Variants in OTUD7B observed in about 807,000 individuals in gnomAD.
The protein encoded by OTUD7B is OTU deubiquitinase 7B, also known as OTU domain-containing protein 7B.
Under a neutral mutation model 82.2 loss-of-function variants are expected in OTUD7B, and 34 were observed. The ratio of observed to expected loss-of-function variants is 0.41; its 90% CI spans 0.31 to 0.55. The LOEUF is 0.55. Among genes scored for constraint, OTUD7B ranks in the 20% least tolerant of loss-of-function variants. The pLI is 0.20. For missense variants in OTUD7B, 944 were observed against 1,062.1 expected (o/e 0.89, Z 1.55); for synonymous variants, 398 against 402.7 (o/e 0.99, Z 0.14).
At chr1:150,001,931 C>G (rs1652317222) in intron 1 of OTUD7B, among the ~76,000 whole-genome samples, 1 of 152,236 alleles carries the variant, frequency 6.6e-6, no homozygotes, top group African/African-American at 2.4e-5. Context: ...AGGATGCCCT[C>G]TACCCTGTTC....
chr1:150,003,249 C>A (rs1341339426), intron 1 of OTUD7B, among the ~76,000 whole-genome samples: 820 of 117,560 alleles, frequency 7.0e-3, no homozygotes, highest in Non-Finnish European at 7.0e-3. Context: ...GACTCTGTCT[C>A]AAAAAAAAAA....
In OTUD7B at chr1:149,941,124, A is replaced by G. The variant is rs1647229980; in HGVS notation, c.*2733T>C. 6.6e-6 allele frequency: 1 copy of G among 152,198 alleles called. No individual in the cohort carries two copies. Among genetic ancestry groups the G allele is most frequent in the African/African-American group, 2.4e-5 (1 of 41,450 alleles). The allele number at this position is 152,198 out of a possible 1,614,324, so 9.4% of individuals were successfully genotyped here. ...TTTCCATCTTTTTTTATTTGAAAAT[A>G]AAGCAAACGGAATTGGGATTGGCTA... On this transcript the variant is annotated 3_prime_UTR_variant, in exon 12 of 12. Transcript: ENST00000581312.
At chr1:149,979,135 C>T (rs1481118337) in intron 1 of OTUD7B, among the ~76,000 whole-genome samples, 2 of 151,942 alleles carry the variant, frequency 1.3e-5, no homozygotes, top group Admixed American at 6.6e-5. Context: ...GTAACTCCAA[C>T]ATCTAGTGTA....
At position 149,990,471 on chromosome 1, in the gene OTUD7B, G is replaced by A. The variant is rs587685512; in HGVS notation, c.-66-12895C>T. ...ATCTACACCTAAAATAGGCTTGTGA[G>A]TTACATACTGGTTTCAAATTTGTCC... On this transcript the variant is annotated intron_variant, in intron 1 of 11. Transcript: ENST00000581312. Among the ~76,000 whole-genome samples the A allele has an allele frequency of 3.3e-5, 5 of 152,288 alleles. No homozygotes were observed. In the East Asian group the frequency reaches 9.6e-4, roughly 29 times the overall value.
the OTUD7B span, among the ~76,000 whole-genome samples, chr1:150,049,379 T>C: frequency 3.3e-5 from 5 of 152,152 alleles, no homozygotes; most frequent in African/African-American, 1.2e-4. Context: ...CTAAATTAAA[T>C]CGTGGTTAGT....
At chr1:149,945,223 G>A (rs143431350) in intron 11 of OTUD7B, among the ~76,000 whole-genome samples, 158 bp from the exon 12 acceptor site, 18 of 152,232 alleles carry the variant, frequency 1.2e-4, no homozygotes, top group South Asian at 2.1e-4. Flanking sequence ...TATGAACTCC[G>A]TCCTCTGAGT....
At position 149,964,283 on chromosome 1, in the gene OTUD7B, C is replaced by A. The variant is rs782554644; in HGVS notation, c.671G>T (p.Gly224Val). The A allele has an allele frequency of 6.2e-7, 1 of 1,614,152 alleles. No individual in the cohort carries two copies. Among genetic ancestry groups the A allele is most frequent in the Admixed American group, 1.7e-5 (1 of 60,020 alleles). ...RKALYALMEK[G>V]VEKEALKRRW... ...CCTTTTCAACGCTTCCTTCTCAACT[C>A]CCTTCTCCATCAGTGCATACAAAGC... Residue 224 changes from glycine (G) to valine (V), a missense_variant, in exon 6 of 12, where the codon GGA becomes GTA. By Grantham distance (109) the Gly-to-Val change is moderately radical. This residue lies in a region of OTUD7B where 530 missense variants were observed against 625.6 expected (regional missense o/e 0.85). Transcript: ENST00000581312.
At chr1:150,033,824 C>T in the OTUD7B span, among the ~76,000 whole-genome samples, 211 of 152,166 alleles carry the variant, frequency 1.4e-3, no homozygotes, top group Middle Eastern at 0.024. Flanking sequence ...CAGGTTTAAG[C>T]GATTCTCCTG....
chr1:149,948,617 A>G lies in OTUD7B; in HGVS notation c.1238+352T>C, dbSNP rs587628460. ...GAACTCCTGACCTCGTGATCCACCCACCTCAGCCTCCCAAAGTGCTGGAAT... is the reference window on the plus strand; with the variant it reads ...GAACTCCTGACCTCGTGATCCACCCGCCTCAGCCTCCCAAAGTGCTGGAAT... On this transcript the variant is annotated intron_variant, in intron 10 of 11. Coordinates refer to ENST00000581312, the MANE Select transcript of OTUD7B (RefSeq NM_020205.4). Among the ~76,000 whole-genome samples, 77 of 151,178 alleles carry G rather than the reference A, an allele frequency of 5.1e-4. No individual in the cohort carries two copies. In the East Asian group the frequency reaches 0.014, roughly 27 times the overall value.
chr1:150,012,655 G>T (rs587737602), upstream of OTUD7B, among the ~76,000 whole-genome samples: 61 of 152,310 alleles, frequency 4.0e-4, no homozygotes, highest in Admixed American at 3.9e-4. Flanking sequence ...ACCATAGAAG[G>T]TCTCCAGATT....
chr1:149,943,711 C>T lies in OTUD7B; in HGVS notation c.*146G>A. ...TGCTCTTGCCAGCCTGGCAGCACTC[C>T]TGTGTGCACACACTTAAAAGTTTCC... is the stretch of plus-strand genomic sequence containing the variant. On this transcript the variant is annotated 3_prime_UTR_variant, in exon 12 of 12. Coordinates refer to ENST00000581312, the MANE Select transcript of OTUD7B (RefSeq NM_020205.4). The T allele has an allele frequency of 1.2e-6, 1 of 845,704 alleles. No homozygotes were observed. The highest frequency in any genetic ancestry group is 1.9e-6 in the Non-Finnish European group (1 of 526,868). The allele number at this position is 845,704 out of a possible 1,614,324, so 52.4% of individuals were successfully genotyped here.
intron 2 of OTUD7B, among the ~76,000 whole-genome samples, chr1:149,976,283 G>C (rs1650300975): frequency 1.3e-5 from 2 of 151,822 alleles, no homozygotes; most frequent in African/African-American, 4.8e-5. Flanking sequence ...CAGAATCCTA[G>C]GGACATGATT....
chr1:150,014,100 ATATATAGTAG>A (rs1237614244), upstream of OTUD7B, among the ~76,000 whole-genome samples: 104 of 8,416 alleles, frequency 0.012, 2 homozygotes, highest in Non-Finnish European at 0.018. Flanking sequence ...ATATATATAT[ATATATAGTAG>A]GGGCTCAGCC....
the OTUD7B span, among the ~76,000 whole-genome samples, chr1:150,036,848 T>TAC: frequency 3.3e-5 from 5 of 152,182 alleles, no homozygotes; most frequent in South Asian, 1.0e-3. Flanking sequence ...CAACAACACA[T>TAC]ACACACACAC....
chr1:150,014,954 A>C (rs1553788185), upstream of OTUD7B, among the ~76,000 whole-genome samples: 1 of 152,158 alleles, frequency 6.6e-6, no homozygotes, highest in Admixed American at 6.5e-5. Flanking sequence ...GATAACATTT[A>C]ACCAGGTTAA....
the OTUD7B span, among the ~76,000 whole-genome samples, chr1:150,048,760 TG>T: frequency 4.0e-5 from 6 of 151,836 alleles, no homozygotes; most frequent in Non-Finnish European, 8.8e-5. Context: ...ACAAAGAAAA[TG>T]ATTTCCATGT....
the OTUD7B span, among the ~76,000 whole-genome samples, chr1:150,016,134 T>C: frequency 1.3e-5 from 2 of 152,208 alleles, no homozygotes; most frequent in Admixed American, 1.3e-4. Context: ...ATTCTTGTTA[T>C]ATGGGATAAA....
chr1:149,963,304 T>C (rs1649281372), intron 6 of OTUD7B: 1 of 151,984 alleles, frequency 6.6e-6, no homozygotes, highest in African/African-American at 2.4e-5. Flanking sequence ...GCAGGAGATA[T>C]AAACATAGCA....
chr1:150,035,091 C>T, the OTUD7B span, among the ~76,000 whole-genome samples: 19 of 150,828 alleles, frequency 1.3e-4, no homozygotes, highest in African/African-American at 4.6e-4. Context: ...TTGTAGTGAG[C>T]TGAGATCGCG....
Sources: gnomAD v4.1 joint callset for allele counts (sites outside exome capture counted in the v4.1 genomes callset) on GRCh38, gnomAD v4.1.1 for gene constraint, gnomAD v4.1.1 regional missense constraint, MANE v1.5 for transcripts, NCBI Gene and HGNC (gene_info 2026-07-23, HGNC 2026-07-21) for gene names.